RBM19: variants seen among roughly 807,000 people sequenced by gnomAD.
RBM19 encodes the protein RNA binding motif protein 19, also known as probable RNA-binding protein 19.
A neutral mutation model predicts 116.8 loss-of-function variants in RBM19; 94 were observed. The observed-to-expected ratio is 0.80, with a 90% CI of 0.68 to 0.95. The LOEUF is 0.95. RBM19 is among the 40% of genes least tolerant of loss of function. The pLI, the probability that RBM19 is intolerant of heterozygous loss-of-function variation, is 0.00. For synonymous variants in RBM19, 475 were observed against 494.1 expected (o/e 0.96, Z 0.51); for missense variants, 1,161 against 1,220.7 (o/e 0.95, Z 0.73).
intron 2 of RBM19, among the ~76,000 whole-genome samples, chr12:113,961,119 CTCA>C (rs1872462136): frequency 2.6e-5 from 4 of 152,224 alleles, no homozygotes; most frequent in Non-Finnish European, 5.9e-5. Context: ...AACTCTTGGG[CTCA>C]AGTGATCCTC....
intron 23 of RBM19, among the ~76,000 whole-genome samples, chr12:113,823,793 CAG>C (rs1874624610): frequency 1.3e-5 from 2 of 152,106 alleles, no homozygotes; most frequent in Admixed American, 6.5e-5. Flanking sequence ...TGAAACCCTT[CAG>C]AGAGGCTGGA....
intron 16 of RBM19, among the ~76,000 whole-genome samples, chr12:113,929,218 C>A (rs1869389341): frequency 6.6e-6 from 1 of 152,210 alleles, no homozygotes; most frequent in South Asian, 2.1e-4. Context: ...ACAAAAGATG[C>A]CTCTGTCTGT....
At chr12:113,842,974 T>C (rs550858761) in intron 23 of RBM19, among the ~76,000 whole-genome samples, 44 of 152,196 alleles carry the variant, frequency 2.9e-4, no homozygotes, top group Non-Finnish European at 5.1e-4. Flanking sequence ...GGCAGTGTTC[T>C]GAAGCGTGTG....
downstream of RBM19, chr12:113,817,737 A>C (rs1392134653): frequency 6.6e-6 from 1 of 152,402 alleles, no homozygotes; most frequent in African/African-American, 2.4e-5. Context: ...TCTGGTTTTC[A>C]GAAGAGACAG....
chr12:113,934,255 G>C (rs1053243388), intron 16 of RBM19, among the ~76,000 whole-genome samples: 2 of 152,214 alleles, frequency 1.3e-5, no homozygotes, highest in Non-Finnish European at 2.9e-5. Context: ...CAACAGCAGC[G>C]GAAGACTGGT....
In RBM19 at chr12:113,928,562, A is replaced by T. The variant is rs74616371; in HGVS notation, c.2069-1333T>A. Among the ~76,000 whole-genome samples the T allele has an allele frequency of 3.0e-3, 453 of 149,696 alleles. 16 individuals carry two copies. In the East Asian group the frequency reaches 0.078, roughly 26 times the overall value. On this transcript the variant is annotated intron_variant, in intron 16 of 23. Coordinates refer to ENST00000261741, the MANE Select transcript of RBM19 (RefSeq NM_016196.4). ...ACTGCTAGCACTTTGTACCGCTTCC[A>T]CTCTGAAGGAACAGCATTTTAGGGA...
At chr12:113,886,659 G>A (rs1880539496) in intron 21 of RBM19, among the ~76,000 whole-genome samples, 1 of 151,516 alleles carries the variant, frequency 6.6e-6, no homozygotes, top group South Asian at 2.1e-4. Flanking sequence ...TTTTCACAAT[G>A]CGGTTTTGTT....
intron 23 of RBM19, among the ~76,000 whole-genome samples, chr12:113,837,168 TACACACACAGAC>T (rs747666532): frequency 3.1e-4 from 44 of 142,344 alleles, no homozygotes; most frequent in South Asian, 1.6e-3. Flanking sequence ...CTACTTAATA[TACACACACAGAC>T]ACACACACAG....
chr12:113,830,899 G>A lies in RBM19; in HGVS notation c.2786-7578C>T, dbSNP rs893466088. Among the ~76,000 whole-genome samples, 4 of 152,194 alleles carry A rather than the reference G, an allele frequency of 2.6e-5. No individual in the cohort carries two copies. The East Asian group carries it at 7.7e-4, about 29-fold the overall frequency. ...GCTGGTAACATCTCATAGGGCCAAG[G>A]TATAGTGGTGTCTGTACCAGGCTGT... On this transcript the variant is annotated intron_variant, in intron 23 of 23. Coordinates refer to ENST00000261741, the MANE Select transcript of RBM19 (RefSeq NM_016196.4).
At chr12:113,837,246 T>TAGACACACACACACACAC (rs1876035775) in intron 23 of RBM19, among the ~76,000 whole-genome samples, 2 of 126,806 alleles carry the variant, frequency 1.6e-5, no homozygotes, top group African/African-American at 6.2e-5. Context: ...ATCCTCCTAA[T>TAGACACACACACACACAC]ACACACACAC....
At chr12:113,884,200 C>T (rs1050993963) in intron 21 of RBM19, among the ~76,000 whole-genome samples, 3 of 151,142 alleles carry the variant, frequency 2.0e-5, no homozygotes, top group Admixed American at 6.6e-5. Context: ...GGGAGGATCG[C>T]TTGAGCTAGG....
rs573182928 is a variant in RBM19 at position 113,903,748 on chromosome 12, C to T, written c.2558+11221G>A. ...GCTGTGAGTCAGAGCCCTGAATATT[C>T]CTCTTGGGCATTCCTTTTGTAGGCT... On this transcript the variant is annotated intron_variant, in intron 21 of 23. Transcript: ENST00000261741. The surrounding 1 kb of genome is among the most constrained non-coding windows in gnomAD (Gnocchi z 5.1). 6.6e-6 allele frequency among the ~76,000 whole-genome samples: 1 copy of T among 152,186 alleles called. No homozygotes were observed. The highest frequency in any genetic ancestry group is 2.4e-5 in the African/African-American group (1 of 41,428).
chr12:113,957,313 T>C (rs1872028017), intron 6 of RBM19, among the ~76,000 whole-genome samples: 1 of 152,168 alleles, frequency 6.6e-6, no homozygotes, highest in Admixed American at 6.5e-5. Flanking sequence ...CAGTGGCTCA[T>C]GCCTATAATC....
Position 113,945,828 on chromosome 12 carries a change from G to T in RBM19, c.1626C>A (p.His542Gln). 6.5e-7 allele frequency: 1 copy of T among 1,547,236 alleles called. No homozygotes were observed. The highest frequency in any genetic ancestry group is 8.9e-7 in the Non-Finnish European group (1 of 1,119,444). ...YNATKSQVFD[H>Q]ETKGSVAVRV... ...AGAGGACTGGTCGGCCCTTACTCACGTGGTCAAACACTTGACTCTTGGTGG... is the reference window on the plus strand; with the variant it reads ...AGAGGACTGGTCGGCCCTTACTCACTTGGTCAAACACTTGACTCTTGGTGG... Residue 542 changes from histidine (H) to glutamine (Q), a missense_variant and splice_region_variant, in exon 13 of 24, where the codon CAC becomes CAA. Coordinates refer to ENST00000261741, the MANE Select transcript of RBM19 (RefSeq NM_016196.4).
chr12:113,959,245 T>C lies in RBM19; in HGVS notation c.538A>G (p.Ser180Gly). 2.5e-6 allele frequency: 4 copies of C among 1,612,776 alleles called. No homozygotes were observed. Among genetic ancestry groups the C allele is most frequent in the Non-Finnish European group, 3.4e-6 (4 of 1,179,604 alleles). ...LNFDSDSGQESEEEGAGEDLE... is the reference protein window; with the variant it reads ...LNFDSDSGQEGEEEGAGEDLE... The stretch of plus-strand genomic sequence containing the variant: ...TCCTCCCCGGCTCCCTCCTCCTCAC[T>C]CTCCTGCCCAGAATCGGAGTCGAAG... The change falls in exon 5 of 24, where the codon AGT (serine) becomes GGT (glycine). Residue 180 changes from serine (S) to glycine (G), a missense_variant. Ser to Gly is a moderately conservative substitution (Grantham distance 56, BLOSUM62 0). Transcript: ENST00000261741.
At chr12:113,901,856 T>G (rs1208155656) in intron 21 of RBM19, among the ~76,000 whole-genome samples, 1 of 152,174 alleles carries the variant, frequency 6.6e-6, no homozygotes, top group Non-Finnish European at 1.5e-5. Context: ...ACAGTTAACC[T>G]TGACATCACT....
intron 6 of RBM19, 145 bp from the exon 7 acceptor site, chr12:113,955,356 C>T (rs571499751): frequency 2.3e-5 from 18 of 778,682 alleles, no homozygotes; most frequent in East Asian, 1.9e-4. Context: ...CAATGTCCAC[C>T]GTGTATGGAG....
At chr12:113,934,617 G>A (rs937700861) in intron 16 of RBM19, among the ~76,000 whole-genome samples, 1 of 152,350 alleles carries the variant, frequency 6.6e-6, no homozygotes, top group South Asian at 2.1e-4. Context: ...TCCAGGGGCA[G>A]AGTCCGACAG....
At chr12:113,906,044 T>G (rs112285692) in intron 21 of RBM19, among the ~76,000 whole-genome samples, 28 of 152,316 alleles carry the variant, frequency 1.8e-4, no homozygotes, top group African/African-American at 6.5e-4. Flanking sequence ...ATACAACCAC[T>G]TTGGAAACCT....
Sources: allele counts gnomAD v4.1 joint callset (sites outside exome capture counted in the v4.1 genomes callset), GRCh38; gene constraint gnomAD v4.1.1; non-coding constraint Gnocchi (gnomAD v3.1); transcripts MANE v1.5; gene names NCBI Gene and HGNC (gene_info 2026-07-23, HGNC 2026-07-21).